The following SLC25A26 variants were observed in gnomAD, a reference collection of about 807,000 sequenced individuals.
SLC25A26 encodes the protein solute carrier family 25 member 26, also known as mitochondrial S-adenosylmethionine carrier protein.
Under a neutral mutation model 37.8 loss-of-function variants are expected in SLC25A26, and 36 were observed. The observed-to-expected ratio is 0.95, with a 90% CI of 0.73 to 1.26. The LOEUF is 1.26. Among genes scored for constraint, SLC25A26 ranks in the 50% most tolerant of loss-of-function variants. The pLI, the probability that SLC25A26 is intolerant of heterozygous loss-of-function variation, is 0.00. For synonymous variants in SLC25A26, 129 were observed against 122.5 expected, an observed-to-expected ratio of 1.05 and a Z score of -0.35; for missense variants, 390 against 331.1, an observed-to-expected ratio of 1.18 and a Z score of -1.38.
At chr3:66,145,711 G>A (rs1420618793) in intron 1 of SLC25A26, among the ~76,000 whole-genome samples, 3 of 152,118 alleles carry the variant, frequency 2.0e-5, no homozygotes, top group Admixed American at 2.0e-4. Context: ...ATTAGAAGGT[G>A]TTCCATCTTA....
chr3:66,352,239 T>A (rs1042567133), intron 6 of SLC25A26, among the ~76,000 whole-genome samples: 1 of 152,154 alleles, frequency 6.6e-6, no homozygotes, highest in Non-Finnish European at 1.5e-5. Flanking sequence ...TAGACCATAC[T>A]ATTCCTTGCT....
intron 1 of SLC25A26, among the ~76,000 whole-genome samples, chr3:66,158,768 G>A (rs1235189604): frequency 6.6e-6 from 1 of 152,148 alleles, no homozygotes; most frequent in African/African-American, 2.4e-5. Context: ...AGGGAGATAT[G>A]AGGACAATCA....
intron 6 of SLC25A26, chr3:66,356,056 G>A (rs2076568505): frequency 2.2e-6 from 1 of 456,244 alleles, no homozygotes; most frequent in Non-Finnish European, 4.4e-6. Context: ...AACTGCTTTT[G>A]AATAGAGCAG....
rs2070629900 is a variant in SLC25A26, at chr3:66,178,364, A to G, written c.-353-42378A>G. The stretch of plus-strand genomic sequence containing the variant: ...AGTCAGTGCCCTGAGGCCATCTTCA[A>G]CCAATGGGGAAGAGGAGCTGGCAGA... On this transcript the variant is annotated intron_variant, in intron 1 of 10. Transcript: ENST00000676754. Among the ~76,000 whole-genome samples the G allele has an allele frequency of 3.3e-5, 5 of 152,258 alleles. 1 individual carries two copies. The highest frequency in any genetic ancestry group is 3.3e-4 in the Admixed American group (5 of 15,296).
At chr3:66,347,042 C>A (rs2076342692) in intron 6 of SLC25A26, among the ~76,000 whole-genome samples, 1 of 152,086 alleles carries the variant, frequency 6.6e-6, no homozygotes, top group Non-Finnish European at 1.5e-5. Context: ...CATGTTTTAA[C>A]CATTAAGGAC....
intron 6 of SLC25A26, among the ~76,000 whole-genome samples, chr3:66,350,904 A>C (rs2107758622): frequency 6.6e-6 from 1 of 152,226 alleles, no homozygotes; most frequent in East Asian, 1.9e-4. Context: ...TCCTGCTTGA[A>C]GTCTTCTAAT....
chr3:66,377,454 C>A (rs551101759), intron 9 of SLC25A26, among the ~76,000 whole-genome samples: 2 of 151,978 alleles, frequency 1.3e-5, no homozygotes, highest in East Asian at 1.9e-4. Context: ...GGATTCAGCT[C>A]TTTAACACCT....
At chr3:66,217,498 T>A (rs2071379049), upstream of SLC25A26, among the ~76,000 whole-genome samples, 1 of 152,194 alleles carries the variant, frequency 6.6e-6, no homozygotes, top group Admixed American at 6.5e-5. Context: ...TTCCTCATCA[T>A]CCTGCGAGAT....
At chr3:66,164,598 C>A (rs1182533807) in intron 1 of SLC25A26, among the ~76,000 whole-genome samples, 1 of 152,162 alleles carries the variant, frequency 6.6e-6, no homozygotes, top group African/African-American at 2.4e-5. Flanking sequence ...ATGACTTGGA[C>A]TAGGGATCAG....
At chr3:66,265,448 A>G (rs9880872) in intron 5 of SLC25A26, among the ~76,000 whole-genome samples, 1,963 of 152,326 alleles carry the variant, frequency 0.013, 47 homozygotes, top group African/African-American at 0.044. Flanking sequence ...CTGGTTTGGG[A>G]CACAATTCTC....
chr3:66,317,095 C>T (rs752161840), intron 5 of SLC25A26, among the ~76,000 whole-genome samples: 20 of 152,208 alleles, frequency 1.3e-4, no homozygotes, highest in Non-Finnish European at 2.1e-4. Context: ...CTTCTGAAGC[C>T]TTCTTCTGTC....
At chr3:66,330,400 A>T (rs1481844415) in intron 5 of SLC25A26, among the ~76,000 whole-genome samples, 1 of 152,146 alleles carries the variant, frequency 6.6e-6, no homozygotes, top group African/African-American at 2.4e-5. Context: ...AATTATCAGG[A>T]TTATTTAAAT....
intron 1 of SLC25A26, among the ~76,000 whole-genome samples, chr3:66,208,445 A>G (rs983840124): frequency 6.6e-6 from 1 of 151,970 alleles, no homozygotes; most frequent in Non-Finnish European, 1.5e-5. Context: ...AGATTGCCAC[A>G]TGGATTTCAC....
chr3:66,179,388 C>T (rs2106751768), intron 1 of SLC25A26, among the ~76,000 whole-genome samples: 1 of 152,304 alleles, frequency 6.6e-6, no homozygotes, highest in South Asian at 2.1e-4. Context: ...CAGAAGTCTC[C>T]TTGTTGACTA....
intron 5 of SLC25A26, among the ~76,000 whole-genome samples, chr3:66,302,848 AGT>A (rs1559676447): frequency 1.3e-5 from 2 of 152,112 alleles, no homozygotes; most frequent in Non-Finnish European, 2.9e-5. Flanking sequence ...TTGCCTTCTG[AGT>A]GTGTAAGGGA....
rs186514874 is a variant in SLC25A26 at position 66,331,962 on chromosome 3, C to T, written c.454-14402C>T. Among the ~76,000 whole-genome samples, 264 of 152,118 alleles carry T rather than the reference C, an allele frequency of 1.7e-3. 2 individuals are homozygous for T. Among genetic ancestry groups the T allele is most frequent in the African/African-American group, 5.9e-3 (246 of 41,494 alleles). The stretch of plus-strand genomic sequence containing the variant: ...TTTGTTTGTTTTTGAGACAGAGTCT[C>T]GCTGTGTTGCCCAAGCTGGAGTGCA... On this transcript the variant is annotated intron_variant, in intron 5 of 9. Coordinates refer to ENST00000354883, the MANE Select transcript of SLC25A26 (RefSeq NM_001379210.1).
At chr3:66,166,199 A>G (rs1396344594) in intron 1 of SLC25A26, among the ~76,000 whole-genome samples, 1 of 152,220 alleles carries the variant, frequency 6.6e-6, no homozygotes, top group Non-Finnish European at 1.5e-5. Flanking sequence ...CTGATCTGAC[A>G]TCAGTTTACT....
At chr3:66,305,957 A>G (rs1232354496) in intron 5 of SLC25A26, among the ~76,000 whole-genome samples, 3 of 152,098 alleles carry the variant, frequency 2.0e-5, no homozygotes, top group Admixed American at 2.0e-4. Flanking sequence ...CAACCTCGCC[A>G]GCATCTATTG....
At chr3:66,138,346 C>T (rs1349747599) in intron 1 of SLC25A26, among the ~76,000 whole-genome samples, 1 of 152,114 alleles carries the variant, frequency 6.6e-6, no homozygotes, top group African/African-American at 2.4e-5. Context: ...TCAGACACAT[C>T]ACACTCCAGG....
Sources: allele counts gnomAD v4.1 joint callset (sites outside exome capture counted in the v4.1 genomes callset), GRCh38; gene constraint gnomAD v4.1.1; transcripts MANE v1.5; gene names NCBI Gene and HGNC (gene_info 2026-07-23, HGNC 2026-07-21).